Variants in DLG2 observed in about 807,000 individuals in gnomAD.
DLG2 encodes the protein discs large MAGUK scaffold protein 2.
DLG2 carries 45 observed loss-of-function variants against 132.5 expected under a neutral mutation model. That is an observed-to-expected ratio of 0.34 (90% CI 0.27 to 0.44). The LOEUF (loss-of-function observed/expected upper bound fraction) is 0.44, where lower values mean the gene tolerates loss of function less well. Ranked by LOEUF, DLG2 falls within the 20% of genes least tolerant of loss-of-function variation. DLG2 has a pLI of 1.00. For synonymous variants in DLG2, 424 were observed against 419.6 expected (o/e 1.01, Z -0.13); for missense variants, 1,045 against 1,196.9 (o/e 0.87, Z 1.87).
chr11:84,426,078 A>C (rs1332182625), intron 7 of DLG2, among the ~76,000 whole-genome samples: 1 of 152,154 alleles, frequency 6.6e-6, no homozygotes, highest in Non-Finnish European at 1.5e-5. Context: ...ATATGAATAT[A>C]ACCAATAATA....
rs2092160507 is a variant in DLG2 at position 85,449,778 on chromosome 11, G to C, written c.40+148879C>G. Among the ~76,000 whole-genome samples, 3 of 121,968 alleles carry C rather than the reference G, an allele frequency of 2.5e-5. No individual in the cohort carries two copies. In the Admixed American group the frequency reaches 3.2e-4, roughly 13 times the overall value. 80.0% of individuals were successfully genotyped at this position (121,968 alleles called of 152,430 possible). On this transcript the variant is annotated intron_variant, in intron 3 of 27. Transcript: ENST00000376104. Reference sequence around the variant, plus strand: ...CAATCACCTGAGTGCTTTCGAATTGGAACTACCTAAAGTTTTTTTTTTTTT... The same window carrying C: ...CAATCACCTGAGTGCTTTCGAATTGCAACTACCTAAAGTTTTTTTTTTTTT...
intron 6 of DLG2, among the ~76,000 whole-genome samples, chr11:84,988,548 G>T (rs1260291156): frequency 6.6e-6 from 1 of 152,158 alleles, no homozygotes; most frequent in Non-Finnish European, 1.5e-5. Flanking sequence ...GCCATAAAAA[G>T]AAATGAATTA....
At chr11:84,507,502 A>T (rs1565139133) in intron 7 of DLG2, among the ~76,000 whole-genome samples, 1 of 152,206 alleles carries the variant, frequency 6.6e-6, no homozygotes, top group Non-Finnish European at 1.5e-5. Flanking sequence ...TGTAAAACTG[A>T]GTACTAGATG....
At chr11:84,869,666 T>C (rs969219418) in intron 6 of DLG2, among the ~76,000 whole-genome samples, 7 of 152,164 alleles carry the variant, frequency 4.6e-5, no homozygotes, top group African/African-American at 4.8e-5. Context: ...AACCCTACAA[T>C]AAATCATTTT....
intron 16 of DLG2, among the ~76,000 whole-genome samples, chr11:83,865,086 G>GA (rs1220278036): frequency 6.6e-6 from 1 of 152,146 alleles, no homozygotes; most frequent in Non-Finnish European, 1.5e-5. Context: ...TGAGCCACCA[G>GA]AAAACCCCTC....
intron 18 of DLG2, among the ~76,000 whole-genome samples, chr11:83,638,949 T>C (rs2065618493): frequency 6.6e-6 from 1 of 152,192 alleles, no homozygotes; most frequent in African/African-American, 2.4e-5. Context: ...TGCCATACAC[T>C]TGTTTGCAAT....
intron 3 of DLG2, 87 bp downstream of exon 3, chr11:85,598,570 T>A: frequency 1.1e-6 from 1 of 903,698 alleles, no homozygotes; most frequent in Non-Finnish European, 1.5e-6. Flanking sequence ...TGAAACTTGG[T>A]TAACATCAGG....
intron 6 of DLG2, among the ~76,000 whole-genome samples, chr11:84,592,933 TAAAAAAAAAAAAAAAAAAAAA>T (rs61017970): frequency 7.1e-4 from 13 of 18,198 alleles, no homozygotes; most frequent in African/African-American, 1.4e-3. Flanking sequence ...CTGTCTCTAC[TAAAAAAAAAAAAAAAAAAAAA>T]AAAAAAAAAA....
intron 11 of DLG2, among the ~76,000 whole-genome samples, chr11:84,045,310 T>C (rs1566193665): frequency 6.6e-6 from 1 of 151,652 alleles, no homozygotes; most frequent in African/African-American, 2.4e-5. Context: ...CTATAATTGA[T>C]AGATGAGGAA....
chr11:84,824,962 G>A (rs974840017), intron 6 of DLG2, among the ~76,000 whole-genome samples: 1 of 151,840 alleles, frequency 6.6e-6, no homozygotes, highest in African/African-American at 2.4e-5. Context: ...CTTGATTGTG[G>A]GCTCTTGACA....
At chr11:85,209,445 C>T (rs117277764) in intron 4 of DLG2, among the ~76,000 whole-genome samples, 202 of 74,426 alleles carry the variant, frequency 2.7e-3, no homozygotes, top group Admixed American at 3.9e-3. Flanking sequence ...AGAAATCAGT[C>T]TTTTTTTTTT....
intron 6 of DLG2, among the ~76,000 whole-genome samples, chr11:84,679,861 T>C (rs2099724322): frequency 6.6e-6 from 1 of 152,062 alleles, no homozygotes; most frequent in African/African-American, 2.4e-5. Context: ...GAATAAATAT[T>C]GGGTTTGGGA....
chr11:85,389,166 C>A (rs186160038), intron 3 of DLG2, among the ~76,000 whole-genome samples: 1 of 151,902 alleles, frequency 6.6e-6, no homozygotes, highest in Non-Finnish European at 1.5e-5. Flanking sequence ...AAAAAACAAT[C>A]GCAACTTCTG....
chr11:84,929,603 C>T (rs2047861762), intron 6 of DLG2, among the ~76,000 whole-genome samples: 2 of 152,174 alleles, frequency 1.3e-5, no homozygotes, highest in East Asian at 1.9e-4. Context: ...CTGTTGAAAA[C>T]TTTTGGTAAA....
intron 7 of DLG2, among the ~76,000 whole-genome samples, chr11:84,415,391 G>A (rs186033303): frequency 6.6e-6 from 1 of 152,212 alleles, no homozygotes; most frequent in African/African-American, 2.4e-5. Flanking sequence ...ATCATATTGA[G>A]TGAACCATTA....
chr11:84,658,461 A>G (rs1218424662), intron 6 of DLG2, among the ~76,000 whole-genome samples: 1 of 152,156 alleles, frequency 6.6e-6, no homozygotes, highest in Non-Finnish European at 1.5e-5. Flanking sequence ...CCCTTATAAA[A>G]GAAACTGTAG....
At chr11:84,058,538 A>ATAATAATAG (rs1464695325) in intron 11 of DLG2, among the ~76,000 whole-genome samples, 1 of 148,712 alleles carries the variant, frequency 6.7e-6, no homozygotes. Context: ...AATAATAATA[A>ATAATAATAG]TAACCACATG....
chr11:85,524,597 A>G (rs1241804272), intron 3 of DLG2, among the ~76,000 whole-genome samples: 1 of 152,116 alleles, frequency 6.6e-6, no homozygotes, highest in Non-Finnish European at 1.5e-5. Flanking sequence ...GGATCAAGCA[A>G]TTATCTTATC....
intron 3 of DLG2, among the ~76,000 whole-genome samples, chr11:85,468,869 G>T (rs764365027): frequency 6.6e-6 from 1 of 152,100 alleles, no homozygotes. Flanking sequence ...CATTGCCTAA[G>T]TTGGTCTTCA....
Sources: allele counts gnomAD v4.1 joint callset (sites outside exome capture counted in the v4.1 genomes callset), GRCh38; gene constraint gnomAD v4.1.1; transcripts MANE v1.5; gene names NCBI Gene and HGNC (gene_info 2026-07-23, HGNC 2026-07-21).